Variants in FRMPD1 observed in about 807,000 individuals in gnomAD.
FRMPD1 encodes FERM and PDZ domain-containing protein 1.
Under a neutral mutation model 117.8 loss-of-function variants are expected in FRMPD1, and 76 were observed. The ratio of observed to expected loss-of-function variants is 0.65; its 90% CI spans 0.54 to 0.78. FRMPD1 has a LOEUF of 0.78. Ranked by LOEUF, FRMPD1 falls within the 30% of genes least tolerant of loss-of-function variation. The pLI, the probability that FRMPD1 is intolerant of heterozygous loss-of-function variation, is 0.00. For synonymous variants in FRMPD1, 783 were observed against 770.4 expected, an observed-to-expected ratio of 1.02 and a Z score of -0.27; for missense variants, 1,786 against 1,964.5, an observed-to-expected ratio of 0.91 and a Z score of 1.72.
intron 1 of FRMPD1, among the ~76,000 whole-genome samples, chr9:37,673,137 A>G (rs191144524): frequency 6.6e-4 from 100 of 152,340 alleles, no homozygotes; most frequent in Admixed American, 1.4e-3. Flanking sequence ...CCTTCTGCCT[A>G]TGAGCCTTTA....
At chr9:37,609,845 C>T in the FRMPD1 span, among the ~76,000 whole-genome samples, 1 of 152,170 alleles carries the variant, frequency 6.6e-6, no homozygotes, top group Non-Finnish European at 1.5e-5. Flanking sequence ...CCTTGCTCTT[C>T]CTCAGGAAAG....
intron 13 of FRMPD1, 143 bp from the exon 14 acceptor site, chr9:37,736,953 G>A (rs1215397812): frequency 3.0e-6 from 2 of 661,326 alleles, no homozygotes; most frequent in Non-Finnish European, 5.4e-6. Context: ...TTGCAAGTGA[G>A]GATATGGGGC....
chr9:37,745,766 C>A lies in FRMPD1; in HGVS notation c.3734C>A (p.Pro1245His). 2 of 1,614,178 alleles carry A rather than the reference C, an allele frequency of 1.2e-6. No individual in the cohort carries two copies. Among genetic ancestry groups the A allele is most frequent in the Non-Finnish European group, 1.7e-6 (2 of 1,180,030 alleles). Residue 1245 changes from proline (P) to histidine (H), a missense_variant, in exon 16 of 16, where the codon CCT (proline) becomes CAT (histidine). Physicochemically the swap from Pro to His is moderately conservative, Grantham distance 77. Coordinates refer to ENST00000377765, the MANE Select transcript of FRMPD1 (RefSeq NM_014907.3). ...CAAGATATAGCCCCTAGGGACAGCC[C>A]TGAGTGGGTCTGTTTTAATCCTGAG... Reference protein sequence around the residue: ...TGQDIAPRDSPEWVCFNPEPS... With the variant: ...TGQDIAPRDSHEWVCFNPEPS...
At chr9:37,727,377 C>T (rs548416344) in intron 7 of FRMPD1, among the ~76,000 whole-genome samples, 6 of 152,218 alleles carry the variant, frequency 3.9e-5, no homozygotes, top group Admixed American at 6.5e-5. Flanking sequence ...GTAGCAAATG[C>T]GCATGGCTAT....
intron 2 of FRMPD1, among the ~76,000 whole-genome samples, chr9:37,705,859 C>T (rs1822683778): frequency 6.6e-6 from 1 of 151,786 alleles, no homozygotes; most frequent in Non-Finnish European, 1.5e-5. Flanking sequence ...AGCCTGTAGT[C>T]CCAGCTACTC....
chr9:37,701,516 T>C (rs1588940909), intron 2 of FRMPD1, among the ~76,000 whole-genome samples: 1 of 66,056 alleles, frequency 1.5e-5, no homozygotes, highest in Non-Finnish European at 4.7e-5. Context: ...TGTACGTGTG[T>C]GTGTGTGTGT....
chr9:37,736,892 C>T (rs931980476), intron 13 of FRMPD1, among the ~76,000 whole-genome samples: 1 of 151,758 alleles, frequency 6.6e-6, no homozygotes, highest in African/African-American at 2.4e-5. Context: ...TGTGCGCACA[C>T]ACACACGCGA....
chr9:37,711,381 G>T lies in FRMPD1; in HGVS notation c.394G>T (p.Val132Phe). 1.2e-6 allele frequency: 2 copies of T among 1,609,776 alleles called. No homozygotes were observed. The highest frequency in any genetic ancestry group is 1.3e-5 in the African/African-American group (1 of 74,954). The change falls in exon 5 of 16, where the codon GTT (valine) becomes TTT (phenylalanine). Residue 132 changes from valine (V) to phenylalanine (F), a missense_variant. Val to Phe is a conservative substitution (Grantham distance 50). Coordinates refer to ENST00000377765, the MANE Select transcript of FRMPD1 (RefSeq NM_014907.3). ...AGAAGATTCTCTTTCAATCACAGTT[G>T]TTCGCTGCACGTCGGTAAATCTCTT... Reference protein sequence around the residue: ...EAEDSLSITVVRCTSGVPKSS... With the variant: ...EAEDSLSITVFRCTSGVPKSS...
intron 1 of FRMPD1, among the ~76,000 whole-genome samples, chr9:37,671,407 A>G (rs1355892963): frequency 2.0e-5 from 3 of 152,150 alleles, no homozygotes; most frequent in Non-Finnish European, 2.9e-5. Flanking sequence ...GGCTCTCTTT[A>G]TAGGGCCTTG....
Position 37,745,800 on chromosome 9 carries a change from G to C in FRMPD1, c.3768G>C (p.Leu1256=), listed in dbSNP as rs1388860799. ...EWVCFNPEPS[L]PEPLPCPQED... is the part of the protein sequence containing the mutation. ...TCTGTTTTAATCCTGAGCCTTCCCT[G>C]CCAGAACCACTACCATGTCCACAAG... The change falls in exon 16 of 16, where the codon CTG becomes CTC. Residue 1256 remains leucine (L), a synonymous_variant. Coordinates refer to ENST00000377765, the MANE Select transcript of FRMPD1 (RefSeq NM_014907.3). The C allele has an allele frequency of 3.7e-6, 6 of 1,614,022 alleles. No individual in the cohort carries two copies. Among genetic ancestry groups the C allele is most frequent in the East Asian group, 4.5e-5 (2 of 44,900 alleles).
chr9:37,715,615 T>G, intron 5 of FRMPD1: 2 of 456,142 alleles, frequency 4.4e-6, no homozygotes, highest in Non-Finnish European at 8.8e-6. Context: ...AGCTTAGAAG[T>G]TCTAGAATAA....
At chr9:37,712,673 A>C (rs1023803338) in intron 5 of FRMPD1, among the ~76,000 whole-genome samples, 2 of 152,232 alleles carry the variant, frequency 1.3e-5, no homozygotes, top group African/African-American at 4.8e-5. Context: ...TACTTCTTAA[A>C]AGTAATTATG....
At chr9:37,737,699 T>G (rs1416542954) in intron 14 of FRMPD1, among the ~76,000 whole-genome samples, 2 of 151,960 alleles carry the variant, frequency 1.3e-5, no homozygotes, top group Non-Finnish European at 2.9e-5. Flanking sequence ...GGCACATGCT[T>G]GTAATCCCAG....
rs186977786 is a variant in FRMPD1, at chr9:37,743,152, C to A, written c.2357-1237C>A. ...TGCCTCTCCTCCCAGAAAGATCCAT[C>A]CTGGGATGCACAAAACTCGATGCCT... On this transcript the variant is annotated intron_variant, in intron 15 of 15. Transcript: ENST00000377765. Among the ~76,000 whole-genome samples, 11 of 152,334 alleles carry A rather than the reference C, an allele frequency of 7.2e-5. No individual in the cohort carries two copies. In the East Asian group the frequency reaches 2.1e-3, roughly 29 times the overall value.
chr9:37,653,092 C>G (rs1329089639), intron 1 of FRMPD1, among the ~76,000 whole-genome samples: 1 of 152,182 alleles, frequency 6.6e-6, no homozygotes, highest in Non-Finnish European at 1.5e-5. Flanking sequence ...AGGCAGAGCA[C>G]TTCAGAGACA....
At chr9:37,613,570 A>G in the FRMPD1 span, among the ~76,000 whole-genome samples, 1 of 152,210 alleles carries the variant, frequency 6.6e-6, no homozygotes, top group African/African-American at 2.4e-5. Context: ...ACACAGCGGA[A>G]AAATATTTTA....
the FRMPD1 span, among the ~76,000 whole-genome samples, chr9:37,633,065 C>T: frequency 6.1e-3 from 912 of 149,226 alleles, 11 homozygotes; most frequent in African/African-American, 0.021. Flanking sequence ...ATGGAGTTCT[C>T]GCTCTGTCCC....
At chr9:37,697,430 G>C (rs559168386) in intron 2 of FRMPD1, among the ~76,000 whole-genome samples, 3 of 152,006 alleles carry the variant, frequency 2.0e-5, no homozygotes, top group Non-Finnish European at 2.9e-5. Context: ...AGCCGGGCGT[G>C]GTGGCAGGCG....
chr9:37,659,804 A>T (rs981040863), intron 1 of FRMPD1, among the ~76,000 whole-genome samples: 4 of 150,948 alleles, frequency 2.6e-5, no homozygotes, highest in African/African-American at 9.8e-5. Context: ...TTTAAGTGTG[A>T]TCTCCAGTCT....
Sources: allele counts gnomAD v4.1 joint callset (sites outside exome capture counted in the v4.1 genomes callset), GRCh38; gene constraint gnomAD v4.1.1; transcripts MANE v1.5; gene names NCBI Gene and HGNC (gene_info 2026-07-23, HGNC 2026-07-21).